Variants in TBC1D4 observed in about 807,000 individuals in gnomAD.
TBC1D4 encodes TBC1 domain family member 4.
A neutral mutation model predicts 142.5 loss-of-function variants in TBC1D4; 121 were observed. The ratio of observed to expected loss-of-function variants is 0.85; its 90% CI spans 0.73 to 0.99. The LOEUF is 0.99. Ranked by LOEUF, TBC1D4 falls within the 50% of genes least tolerant of loss-of-function variation. The pLI is 0.00. For missense variants in TBC1D4, 1,475 were observed against 1,606.6 expected (o/e 0.92, Z 1.40); for synonymous variants, 630 against 628.2 (o/e 1.00, Z -0.04).
At chr13:75,403,096 C>T (rs1449791858) in intron 1 of TBC1D4, among the ~76,000 whole-genome samples, 3 of 152,158 alleles carry the variant, frequency 2.0e-5, no homozygotes, top group African/African-American at 7.2e-5. Context: ...GCATGCAGGG[C>T]TAAAATAAAC....
At chr13:75,318,404 T>A (rs1878488712) in intron 12 of TBC1D4, among the ~76,000 whole-genome samples, 1 of 152,198 alleles carries the variant, frequency 6.6e-6, no homozygotes, top group African/African-American at 2.4e-5. Flanking sequence ...ACTGTCTAAA[T>A]CTGTATCTAA....
At chr13:75,324,462 C>T in intron 10 of TBC1D4, 61 bp from the exon 11 acceptor site, 1 of 1,580,176 alleles carries the variant, frequency 6.3e-7, no homozygotes, top group Non-Finnish European at 8.6e-7. Context: ...TCTTCATTCA[C>T]TATGAAAAAG....
At position 75,410,133 on chromosome 13, in the gene TBC1D4, A is replaced by T. The variant is rs1593855682; in HGVS notation, c.499-47526T>A. 3.3e-5 allele frequency among the ~76,000 whole-genome samples: 5 copies of T among 152,340 alleles called. No individual in the cohort carries two copies. The South Asian group carries it at 6.2e-4, about 19-fold the overall frequency. On this transcript the variant is annotated intron_variant, in intron 1 of 20. Coordinates refer to ENST00000377636, the MANE Select transcript of TBC1D4 (RefSeq NM_014832.5). ...AGCTAATGTACGTAAATAACGGTGT[A>T]TGCTCATGATAATCACTCAATAAAT...
chr13:75,336,353 C>T (rs1298423342), intron 8 of TBC1D4, among the ~76,000 whole-genome samples: 2 of 151,296 alleles, frequency 1.3e-5, no homozygotes, highest in Non-Finnish European at 2.9e-5. Context: ...GCTGAGATCG[C>T]ACCACTGCAC....
At chr13:75,291,093 A>G (rs1046292914) in intron 19 of TBC1D4, among the ~76,000 whole-genome samples, 2 of 152,222 alleles carry the variant, frequency 1.3e-5, no homozygotes, top group Non-Finnish European at 1.5e-5. Flanking sequence ...CAAGGACTAC[A>G]CATACGGTGT....
rs1221440573 is a variant in TBC1D4 at position 75,300,771 on chromosome 13, C to A, written c.2912-1197G>T. On this transcript the variant is annotated intron_variant, in intron 16 of 20. Transcript: ENST00000377636. ...ATCTCATTTTCTCTCTTTAATAGGA[C>A]ATCGTGACTAACCCTGATTGTATCA... Among the ~76,000 whole-genome samples the A allele has an allele frequency of 2.6e-5, 4 of 152,166 alleles. No homozygotes were observed. The East Asian group carries it at 5.8e-4, about 22-fold the overall frequency.
At chr13:75,315,369 T>TACAC (rs796479326) in intron 12 of TBC1D4, among the ~76,000 whole-genome samples, 15 of 137,820 alleles carry the variant, frequency 1.1e-4, no homozygotes, top group Non-Finnish European at 2.2e-4. Flanking sequence ...TATATATATA[T>TACAC]ACACACACAC....
chr13:75,313,658 A>C (rs1878006327), intron 12 of TBC1D4, among the ~76,000 whole-genome samples: 1 of 152,162 alleles, frequency 6.6e-6, no homozygotes, highest in Non-Finnish European at 1.5e-5. Context: ...AGCAGCTGGG[A>C]CTACAGGTGC....
chr13:75,468,303 C>A (rs528583061), intron 1 of TBC1D4, among the ~76,000 whole-genome samples: 1 of 152,314 alleles, frequency 6.6e-6, no homozygotes, highest in East Asian at 1.9e-4. Flanking sequence ...CATTCTCAAG[C>A]ACTGTGTTAC....
chr13:75,390,019 T>C (rs1884380474), intron 1 of TBC1D4, among the ~76,000 whole-genome samples: 1 of 152,094 alleles, frequency 6.6e-6, no homozygotes. Flanking sequence ...CTCATGCCTG[T>C]AATCCAAGCA....
chr13:75,470,843 C>T (rs1888367661), intron 1 of TBC1D4, among the ~76,000 whole-genome samples: 1 of 152,032 alleles, frequency 6.6e-6, no homozygotes, highest in African/African-American at 2.4e-5. Flanking sequence ...ATAAACTAGC[C>T]AGGTGCGGTG....
At chr13:75,476,626 C>T (rs548848529) in intron 1 of TBC1D4, among the ~76,000 whole-genome samples, 4 of 152,158 alleles carry the variant, frequency 2.6e-5, no homozygotes, top group Admixed American at 6.5e-5. Context: ...AGATGAAGAG[C>T]TTCTTAAAAA....
In TBC1D4 at chr13:75,287,003, G is replaced by T; in HGVS notation, c.3686C>A (p.Ala1229Asp). 1.2e-6 allele frequency: 2 copies of T among 1,612,776 alleles called. No individual in the cohort carries two copies. The highest frequency in any genetic ancestry group is 1.7e-6 in the Non-Finnish European group (2 of 1,179,908). ...AAGATTTTCCAGGTTTGATTCCAAG[G>T]CCTGGATTTTAGTATGAGCTACCTG... ...KLQVAHTKIQALESNLENLLT... is the reference protein window; with the variant it reads ...KLQVAHTKIQDLESNLENLLT... Residue 1229 changes from alanine to aspartate, a missense_variant, in exon 21 of 21, where the codon GCC becomes GAC. Around this residue, in one of 2 missense-constraint regions of TBC1D4, gnomAD observed 248 missense variants for 338.9 expected, o/e 0.73. Transcript: ENST00000377636.
intron 1 of TBC1D4, among the ~76,000 whole-genome samples, chr13:75,377,047 CA>C (rs1281416611): frequency 1.3e-5 from 2 of 152,186 alleles, no homozygotes; most frequent in African/African-American, 4.8e-5. Flanking sequence ...TCTTCATAAA[CA>C]GTACATATTA....
chr13:75,322,682 C>G lies in TBC1D4; in HGVS notation c.2198+1555G>C, dbSNP rs531186025. On this transcript the variant is annotated intron_variant, in intron 11 of 20. Coordinates refer to ENST00000377636, the MANE Select transcript of TBC1D4 (RefSeq NM_014832.5). Reference sequence around the variant, plus strand: ...GAAGGAAACTGGGATTCTCCATATACTCACTTTAACAAACATAACAATAAG... The same window carrying G: ...GAAGGAAACTGGGATTCTCCATATAGTCACTTTAACAAACATAACAATAAG... Among the ~76,000 whole-genome samples the G allele has an allele frequency of 8.6e-4, 131 of 152,294 alleles. 1 individual carries two copies. The highest frequency in any genetic ancestry group is 7.0e-3 in the South Asian group (34 of 4,824).
At chr13:75,334,205 A>G (rs977576276) in intron 8 of TBC1D4, among the ~76,000 whole-genome samples, 5 of 152,166 alleles carry the variant, frequency 3.3e-5, no homozygotes, top group African/African-American at 1.2e-4. Flanking sequence ...ATCTGTTGCT[A>G]TCATTTATGT....
chr13:75,430,361 TAAAC>T (rs1195372819), intron 1 of TBC1D4, among the ~76,000 whole-genome samples: 6 of 152,214 alleles, frequency 3.9e-5, no homozygotes, highest in African/African-American at 4.8e-5. Flanking sequence ...CTTTAAAAAT[TAAAC>T]AAATGGTATT....
intron 1 of TBC1D4, among the ~76,000 whole-genome samples, chr13:75,456,247 T>G (rs980419994): frequency 6.6e-6 from 1 of 152,156 alleles, no homozygotes; most frequent in Non-Finnish European, 1.5e-5. Context: ...AACCTGAGCA[T>G]CCAAAGACCT....
chr13:75,291,259 G>A (rs974773031), intron 19 of TBC1D4, among the ~76,000 whole-genome samples: 110 of 152,272 alleles, frequency 7.2e-4, no homozygotes, highest in African/African-American at 2.5e-3. Context: ...GAAGGGGCAG[G>A]AGAAAAGGGT....
Sources: allele counts gnomAD v4.1 joint callset (sites outside exome capture counted in the v4.1 genomes callset), GRCh38; gene constraint gnomAD v4.1.1; regional missense constraint gnomAD v4.1.1; transcripts MANE v1.5; gene names NCBI Gene and HGNC (gene_info 2026-07-23, HGNC 2026-07-21).